EXOSC2: variants seen among roughly 807,000 people sequenced by gnomAD.
EXOSC2 encodes exosome component 2.
EXOSC2 carries 29 observed loss-of-function variants against 37.6 expected under a neutral mutation model. The ratio of observed to expected loss-of-function variants is 0.77; its 90% confidence interval spans 0.57 to 1.05. The LOEUF (loss-of-function observed/expected upper bound fraction) is 1.05. Ranked by LOEUF, EXOSC2 falls within the 50% of genes least tolerant of loss-of-function variation. EXOSC2 has a pLI of 0.00. For missense variants in EXOSC2, 346 were observed against 365.6 expected, an observed-to-expected ratio of 0.95 and a Z score of 0.44; for synonymous variants, 119 against 131.1, an observed-to-expected ratio of 0.91 and a Z score of 0.63.
Position 130,703,033 on chromosome 9 carries a change from CT to C in EXOSC2, c.673-19del, listed in dbSNP as rs1829686606. The C allele has an allele frequency of 6.2e-7, 1 of 1,600,946 alleles. No individual in the cohort carries two copies. Among genetic ancestry groups the C allele is most frequent in the South Asian group, 1.1e-5 (1 of 89,912 alleles). ...TGGTCCTGTTTGTATTTCCCTTCCC[CT>C]CTCTGTGTCTCCTTATAGCCTGTCT... On this transcript the variant is annotated intron_variant, in intron 7 of 8. Transcript: ENST00000372358.
rs1316756471 is a variant in EXOSC2, at chr9:130,694,771, C to T, written c.123-721C>T. 2.0e-5 allele frequency among the ~76,000 whole-genome samples: 3 copies of T among 151,976 alleles called. No homozygotes were observed. Among genetic ancestry groups the T allele is most frequent in the East Asian group, 1.9e-4 (1 of 5,188 alleles). On this transcript the variant is annotated intron_variant, in intron 1 of 8. Coordinates refer to ENST00000372358, the MANE Select transcript of EXOSC2 (RefSeq NM_014285.7). The surrounding 1 kb of genome is among the most constrained non-coding windows in gnomAD (Gnocchi z 4.0). ...CTGTCTTAGATCAGTCGTGCGATCT[C>T]GGCTCACTGCAACCTCTGCCTCCTG...
At chr9:130,699,826 A>C in intron 5 of EXOSC2, 2 of 158,740 alleles carry the variant, frequency 1.3e-5, no homozygotes, top group Admixed American at 6.2e-5. Context: ...ACATAGCAAG[A>C]CCCCCCTCTC....
chr9:130,695,739 T>A, intron 2 of EXOSC2, 146 bp downstream of exon 2: 1 of 683,906 alleles, frequency 1.5e-6, no homozygotes, highest in Non-Finnish European at 2.6e-6. Flanking sequence ...GTAGGTGGGG[T>A]GGTGCAGATC....
intron 6 of EXOSC2, 142 bp downstream of exon 6, chr9:130,701,077 GT>G: frequency 1.4e-6 from 1 of 733,708 alleles, no homozygotes; most frequent in Non-Finnish European, 2.3e-6. Flanking sequence ...AACTGATCGT[GT>G]TCCTTAAACG....
Position 130,702,151 on chromosome 9 carries a change from G to C in EXOSC2, c.513G>C (p.Leu171Phe), listed in dbSNP as rs887450652. ...TTCTTTAGCTAGGTCAGGGGGTTTT[G>C]GTCCAGGTTTCCCCCTCCCTGGTGA... ...LKYGKLGQGV[L>F]VQVSPSLVKR... The change falls in exon 7 of 9, where the codon TTG (leucine) becomes TTC (phenylalanine). Residue 171 changes from leucine to phenylalanine, a missense_variant. Coordinates refer to ENST00000372358, the MANE Select transcript of EXOSC2 (RefSeq NM_014285.7). 19 of 1,613,974 alleles carry C rather than the reference G, an allele frequency of 1.2e-5. No individual in the cohort carries two copies. Among genetic ancestry groups the C allele is most frequent in the Non-Finnish European group, 1.5e-5 (18 of 1,179,986 alleles).
intron 6 of EXOSC2, chr9:130,701,435 T>C (rs1320855160): frequency 5.4e-6 from 1 of 186,676 alleles, no homozygotes; most frequent in African/African-American, 2.4e-5. Context: ...AGCTATTTAC[T>C]ATTTTAAGGA....
At chr9:130,699,624 C>A in intron 5 of EXOSC2, 3 of 558,700 alleles carry the variant, frequency 5.4e-6, no homozygotes, top group Non-Finnish European at 9.6e-6. Context: ...TTGTAACTTA[C>A]GGTGGCCTGT....
rs11788795 is a variant in EXOSC2, at chr9:130,694,876, G to T, written c.123-616G>T. On this transcript the variant is annotated intron_variant, in intron 1 of 8. Coordinates refer to ENST00000372358, the MANE Select transcript of EXOSC2 (RefSeq NM_014285.7). The surrounding 1 kb of genome is among the most constrained non-coding windows in gnomAD (Gnocchi z 4.0). ...CGCCACCATGCCTAGCTAATTTTTGGTTTTTTTTTTTTTTAGTAGAGACAG... is the reference window on the plus strand; with the variant it reads ...CGCCACCATGCCTAGCTAATTTTTGTTTTTTTTTTTTTTTAGTAGAGACAG... 0.22 allele frequency among the ~76,000 whole-genome samples: 31,512 copies of T among 144,512 alleles called. 3,494 individuals carry two copies. Among genetic ancestry groups the T allele is most frequent in the East Asian group, 0.36 (1,780 of 4,974 alleles). 94.8% of individuals were successfully genotyped at this position (144,512 alleles called of 152,430 possible).
At chr9:130,693,949 A>G in intron 1 of EXOSC2, 36 bp downstream of exon 1, 1 of 1,571,168 alleles carries the variant, frequency 6.4e-7, no homozygotes, top group Non-Finnish European at 8.7e-7. Flanking sequence ...GGCTTCAGAG[A>G]GCGGCTTCAG....
rs1831133830 is a variant in EXOSC2 at position 130,698,027 on chromosome 9, C to T, written c.271-135C>T. The stretch of plus-strand genomic sequence containing the variant: ...CAGGCTGGTCTCAAACTCCTGACCT[C>T]AAGTGATCCACCAGCTTCGGCCTCC... On this transcript the variant is annotated intron_variant, in intron 3 of 8. Coordinates refer to ENST00000372358, the MANE Select transcript of EXOSC2 (RefSeq NM_014285.7). This position sits in a 1 kb window ranked among gnomAD's most constrained non-coding sequence, Gnocchi z 4.1. 2.0e-5 allele frequency: 15 copies of T among 741,142 alleles called. 1 individual carries two copies. In the South Asian group the frequency reaches 2.4e-4, roughly 12 times the overall value. 45.9% of individuals were successfully genotyped at this position (741,142 alleles called of 1,614,324 possible). A position where few individuals can be genotyped will look rare whatever the true frequency, so the allele number is the denominator to read the frequency against.
chr9:130,700,167 C>T (rs1238307470), intron 5 of EXOSC2, among the ~76,000 whole-genome samples: 3 of 151,516 alleles, frequency 2.0e-5, no homozygotes, highest in South Asian at 2.1e-4. Flanking sequence ...GGATTACCGG[C>T]GTGCGTCATG....
chr9:130,703,111 T>C lies in EXOSC2; in HGVS notation c.731T>C (p.Leu244Pro). 1 of 1,614,040 alleles carries C rather than the reference T, an allele frequency of 6.2e-7. No homozygotes were observed. Among genetic ancestry groups the C allele is most frequent in the Non-Finnish European group, 8.5e-7 (1 of 1,179,946 alleles). Residue 244 changes from leucine (L) to proline (P), a missense_variant, in exon 8 of 9, where the codon CTG (leucine) becomes CCG (proline). By Grantham distance (98) the Leu-to-Pro change is moderately conservative (BLOSUM62 -3). Transcript: ENST00000372358. ...CGGCTTCGGAACTGCATCATCTCGCTGGTAACTCAGAGGATGATGCTGTAT... is the reference window on the plus strand; with the variant it reads ...CGGCTTCGGAACTGCATCATCTCGCCGGTAACTCAGAGGATGATGCTGTAT... Reference protein sequence around the residue: ...ISRLRNCIISLVTQRMMLYDT... With the variant: ...ISRLRNCIISPVTQRMMLYDT...
chr9:130,703,770 G>A lies in EXOSC2; in HGVS notation c.878G>A (p.Gly293Glu), dbSNP rs745643416. 10 of 1,613,096 alleles carry A rather than the reference G, an allele frequency of 6.2e-6. No homozygotes were observed. The African/African-American group carries it at 1.1e-4, about 17-fold the overall frequency. Residue 293 changes from glycine to glutamate, a missense_variant, in exon 9 of 9, where the codon GGA becomes GAA. Physicochemically the swap from Gly to Glu is moderately conservative, Grantham distance 98. Coordinates refer to ENST00000372358, the MANE Select transcript of EXOSC2 (RefSeq NM_014285.7). ...ETRQRLLEQEG is the reference protein window; with the variant it reads ...ETRQRLLEQEE ...CGCCAGAGGCTTTTGGAACAGGAGGGATAAGGAGGTGCTCCAGAAGCACGG... is the reference window on the plus strand; with the variant it reads ...CGCCAGAGGCTTTTGGAACAGGAGGAATAAGGAGGTGCTCCAGAAGCACGG...
At chr9:130,703,668 G>T in intron 8 of EXOSC2, 26 bp from the exon 9 acceptor site, 3 of 1,600,486 alleles carry the variant, frequency 1.9e-6, no homozygotes, top group South Asian at 2.2e-5. Context: ...TTTCTTTTCT[G>T]AACAAATGCC....
chr9:130,697,534 A>C, intron 2 of EXOSC2, 48 bp from the exon 3 acceptor site: 1 of 1,592,884 alleles, frequency 6.3e-7, no homozygotes, highest in Non-Finnish European at 8.6e-7. Context: ...TGGTCTTGTC[A>C]GAAAGTCTGC....
chr9:130,703,118 T>A lies in EXOSC2; in HGVS notation c.738T>A (p.Thr246=). 10 of 1,613,992 alleles carry A rather than the reference T, an allele frequency of 6.2e-6. No homozygotes were observed. The highest frequency in any genetic ancestry group is 8.5e-6 in the Non-Finnish European group (10 of 1,179,920). The change falls in exon 8 of 9, where the codon ACT becomes ACA. Residue 246 remains threonine, a synonymous_variant. Coordinates refer to ENST00000372358, the MANE Select transcript of EXOSC2 (RefSeq NM_014285.7). ...RLRNCIISLV[T]QRMMLYDTSI... The stretch of plus-strand genomic sequence containing the variant: ...GGAACTGCATCATCTCGCTGGTAAC[T>A]CAGAGGATGATGCTGTATGATACCA...
In EXOSC2 at chr9:130,693,823, G is replaced by T; in HGVS notation, c.32G>T (p.Arg11Leu). 9 of 1,606,130 alleles carry T rather than the reference G, an allele frequency of 5.6e-6. No homozygotes were observed. Among genetic ancestry groups the T allele is most frequent in the East Asian group, 2.3e-5 (1 of 44,342 alleles). ...ATGGAGATGAGGCTTCCAGTGGCTC[G>T]CAAGCCTCTTAGCGAGAGACTGGGC... MAMEMRLPVA[R>L]KPLSERLGRD... Residue 11 changes from arginine (R) to leucine (L), a missense_variant, in exon 1 of 9, where the codon CGC becomes CTC. Arg to Leu is a moderately radical substitution (Grantham distance 102, BLOSUM62 -2). Transcript: ENST00000372358.
At chr9:130,699,680 G>A in intron 5 of EXOSC2, 1 of 405,480 alleles carries the variant, frequency 2.5e-6, no homozygotes, top group Non-Finnish European at 4.5e-6. Flanking sequence ...TTAGCGCAGG[G>A]AGTGGAGAAG....
chr9:130,698,303 C>A lies in EXOSC2; in HGVS notation c.360+52C>A. 1 of 1,527,642 alleles carries A rather than the reference C, an allele frequency of 6.5e-7. No homozygotes were observed. The highest frequency in any genetic ancestry group is 9.0e-7 in the Non-Finnish European group (1 of 1,105,740). 94.6% of individuals were successfully genotyped at this position (1,527,642 alleles called of 1,614,324 possible). On this transcript the variant is annotated intron_variant, in intron 4 of 8. Transcript: ENST00000372358. This position sits in a 1 kb window ranked among gnomAD's most constrained non-coding sequence, Gnocchi z 4.1. Reference sequence around the variant, plus strand: ...CTAGGGCCCAGTGGGCTGGGGGGAGCCGTGGGACCCTTTGTTCCACCAGAG... The same window carrying A: ...CTAGGGCCCAGTGGGCTGGGGGGAGACGTGGGACCCTTTGTTCCACCAGAG...
Sources: gnomAD v4.1 joint callset for allele counts (sites outside exome capture counted in the v4.1 genomes callset) on GRCh38, gnomAD v4.1.1 for gene constraint, Gnocchi (gnomAD v3.1) non-coding constraint, MANE v1.5 for transcripts, NCBI Gene and HGNC (gene_info 2026-07-23, HGNC 2026-07-21) for gene names.